Variants in MIR2052HG observed in about 807,000 individuals in gnomAD.
MIR2052HG encodes MIR2052 host gene.
chr8:74,735,459 G>A (rs773041613), intron 4 of MIR2052HG, among the ~76,000 whole-genome samples: 2 of 152,130 alleles, frequency 1.3e-5, no homozygotes, highest in Non-Finnish European at 2.9e-5. Flanking sequence ...GAGTGCAGGC[G>A]ATTTGGCCAA....
rs139955252 is a variant in MIR2052HG, at chr8:74,641,295, A to G, written n.216+28355A>G. 1.8e-4 allele frequency among the ~76,000 whole-genome samples: 28 copies of G among 152,274 alleles called. No individual in the cohort carries two copies. The East Asian group carries it at 5.4e-3, about 29-fold the overall frequency. The stretch of plus-strand genomic sequence containing the variant: ...ATCCTGGGTGCATTTGCGGCCATGT[A>G]CATATAGCCAAAAATATGTGATGAG... On this transcript the variant is annotated intron_variant and non_coding_transcript_variant, in intron 2 of 6. Transcript: ENST00000523442.
chr8:74,707,732 G>A (rs1378841597), intron 4 of MIR2052HG, among the ~76,000 whole-genome samples: 1 of 152,082 alleles, frequency 6.6e-6, no homozygotes, highest in Non-Finnish European at 1.5e-5. Flanking sequence ...AAACTGTTGA[G>A]TGGACATTGT....
intron 4 of MIR2052HG, among the ~76,000 whole-genome samples, chr8:74,747,261 C>T (rs958373327): frequency 4.6e-5 from 7 of 152,076 alleles, no homozygotes; most frequent in East Asian, 1.9e-4. Context: ...GGGAAAGCAA[C>T]GTAACTGTTT....
chr8:74,671,313 A>G (rs562783250), intron 2 of MIR2052HG, among the ~76,000 whole-genome samples: 1 of 152,144 alleles, frequency 6.6e-6, no homozygotes. Flanking sequence ...AATTTTTGCT[A>G]TCACTTAAAG....
intron 1 of MIR2052HG, chr8:74,603,473 G>C (rs1295850257): frequency 8.1e-6 from 13 of 1,598,972 alleles, no homozygotes; most frequent in Non-Finnish European, 1.1e-5. Context: ...GCGCCTTGAC[G>C]CCCGATTATG....
intron 4 of MIR2052HG, among the ~76,000 whole-genome samples, chr8:74,751,239 A>T (rs1809944146): frequency 6.6e-6 from 1 of 152,272 alleles, no homozygotes; most frequent in Middle Eastern, 3.4e-3. Context: ...CGTCCTTTTC[A>T]TGGTGAATTT....
chr8:74,604,105 A>G (rs748149127), intron 1 of MIR2052HG: 1 of 923,894 alleles, frequency 1.1e-6, no homozygotes, highest in Non-Finnish European at 1.8e-6. Flanking sequence ...TGAGATGTTG[A>G]TAGGTGCACC....
chr8:74,649,290 G>A (rs568451922), intron 2 of MIR2052HG, among the ~76,000 whole-genome samples: 8 of 152,204 alleles, frequency 5.3e-5, no homozygotes, highest in African/African-American at 1.7e-4. Flanking sequence ...TGAAAATGAC[G>A]CCTTGGATAC....
At chr8:74,746,567 A>AGTGTGTGTGTGTTT (rs1809888916) in intron 4 of MIR2052HG, among the ~76,000 whole-genome samples, 1 of 147,538 alleles carries the variant, frequency 6.8e-6, no homozygotes, top group Non-Finnish European at 1.5e-5. Flanking sequence ...GAGGAGAAGA[A>AGTGTGTGTGTGTTT]GTGTGTGTGT....
chr8:74,672,224 T>A (rs1006042705), intron 2 of MIR2052HG, among the ~76,000 whole-genome samples: 2 of 152,128 alleles, frequency 1.3e-5, no homozygotes, highest in African/African-American at 4.8e-5. Context: ...AGCTGTTACC[T>A]AACTTGAGAG....
intron 4 of MIR2052HG, among the ~76,000 whole-genome samples, chr8:74,735,437 C>G (rs1809735770): frequency 6.6e-6 from 1 of 152,162 alleles, no homozygotes; most frequent in Non-Finnish European, 1.5e-5. Context: ...AATGAGGAGA[C>G]AGCAGTGCAG....
At chr8:74,718,325 A>G (rs1193268091) in intron 4 of MIR2052HG, among the ~76,000 whole-genome samples, 2 of 151,940 alleles carry the variant, frequency 1.3e-5, no homozygotes, top group Non-Finnish European at 2.9e-5. Context: ...CTTTTCTTTT[A>G]TATTCTCATC....
chr8:74,644,068 C>T (rs1808667016), intron 2 of MIR2052HG, among the ~76,000 whole-genome samples: 1 of 152,054 alleles, frequency 6.6e-6, no homozygotes, highest in Non-Finnish European at 1.5e-5. Flanking sequence ...TACATATTGC[C>T]CAGTCAGTGA....
chr8:74,717,664 A>T (rs1164131987), intron 4 of MIR2052HG, among the ~76,000 whole-genome samples: 17 of 152,004 alleles, frequency 1.1e-4, no homozygotes, highest in African/African-American at 2.4e-4. Context: ...CAAAAAAATT[A>T]AAAAAATATA....
chr8:74,652,279 T>TA (rs1808761527), intron 2 of MIR2052HG, among the ~76,000 whole-genome samples: 1 of 152,340 alleles, frequency 6.6e-6, no homozygotes, highest in East Asian at 1.9e-4. Flanking sequence ...CCATATGACT[T>TA]ACTCTGGCCA....
intron 2 of MIR2052HG, among the ~76,000 whole-genome samples, chr8:74,674,402 G>A (rs1392752183): frequency 1.3e-5 from 2 of 151,804 alleles, no homozygotes; most frequent in Admixed American, 6.6e-5. Context: ...CTAGTTTGAT[G>A]ATTAACTATT....
intron 1 of MIR2052HG, among the ~76,000 whole-genome samples, chr8:74,609,262 C>G (rs559629520): frequency 8.6e-5 from 13 of 151,906 alleles, no homozygotes; most frequent in African/African-American, 3.1e-4. Context: ...AAATAGATAA[C>G]CTGAATAGTC....
intron 4 of MIR2052HG, among the ~76,000 whole-genome samples, chr8:74,704,959 G>T (rs181331151): frequency 3.3e-5 from 5 of 152,098 alleles, no homozygotes; most frequent in African/African-American, 1.2e-4. Flanking sequence ...ATATCACTGT[G>T]CTCTAAAGCA....
intron 4 of MIR2052HG, among the ~76,000 whole-genome samples, chr8:74,713,841 T>G (rs1292012648): frequency 6.6e-6 from 1 of 152,160 alleles, no homozygotes; most frequent in African/African-American, 2.4e-5. Context: ...CAGAAGATAC[T>G]TTGGGAAATG....
Sources: allele counts gnomAD v4.1 joint callset (sites outside exome capture counted in the v4.1 genomes callset), GRCh38; gene constraint gnomAD v4.1.1; transcripts MANE v1.5; gene names NCBI Gene and HGNC (gene_info 2026-07-23, HGNC 2026-07-21).